IQCM: variants seen among roughly 807,000 people sequenced by gnomAD.
IQCM encodes IQ domain-containing protein M.
In IQCM, 45 loss-of-function variants were observed where a neutral mutation model predicts 57.6. The ratio of observed to expected loss-of-function variants is 0.78; its 90% CI spans 0.62 to 1.00. The LOEUF (loss-of-function observed/expected upper bound fraction) is 1.00, where lower values mean the gene tolerates loss of function less well. IQCM is among the 50% of genes least tolerant of loss of function. The pLI is 0.00. For missense variants in IQCM, 468 were observed against 511.6 expected (o/e 0.91, Z 0.82); for synonymous variants, 148 against 158.9 (o/e 0.93, Z 0.51).
chr4:149,429,660 G>A (rs954101723), intron 13 of IQCM, among the ~76,000 whole-genome samples: 10 of 151,872 alleles, frequency 6.6e-5, no homozygotes, highest in Non-Finnish European at 1.2e-4. Context: ...TACCTACATT[G>A]TAGAGTATTA....
At chr4:149,625,156 G>A (rs1383207399) in intron 7 of IQCM, among the ~76,000 whole-genome samples, 1 of 152,146 alleles carries the variant, frequency 6.6e-6, no homozygotes, top group Non-Finnish European at 1.5e-5. Context: ...GCTTGCTTGG[G>A]TGGCTGAATT....
chr4:149,715,223 C>T (rs986224718), intron 5 of IQCM, among the ~76,000 whole-genome samples: 3 of 152,124 alleles, frequency 2.0e-5, no homozygotes, highest in African/African-American at 7.2e-5. Flanking sequence ...ATTACTGGCC[C>T]AGATCCCATG....
intron 10 of IQCM, among the ~76,000 whole-genome samples, chr4:149,556,477 T>C (rs1430165770): frequency 1.3e-5 from 2 of 152,180 alleles, no homozygotes; most frequent in African/African-American, 2.4e-5. Context: ...AGTTTGACTT[T>C]TAAATTTGAA....
At chr4:149,698,590 G>A (rs896275097) in intron 5 of IQCM, among the ~76,000 whole-genome samples, 3 of 152,036 alleles carry the variant, frequency 2.0e-5, no homozygotes, top group African/African-American at 4.8e-5. Flanking sequence ...CTACAAAAAC[G>A]TAACTATTTT....
chr4:149,531,758 G>A (rs1305813557), intron 12 of IQCM, among the ~76,000 whole-genome samples: 1 of 151,962 alleles, frequency 6.6e-6, no homozygotes, highest in Non-Finnish European at 1.5e-5. Flanking sequence ...GCCCCTCAGA[G>A]GAGACTGCAT....
chr4:149,802,234 G>GA lies in IQCM; in HGVS notation c.-49+13076dup, dbSNP rs537499045. Among the ~76,000 whole-genome samples the GA allele has an allele frequency of 6.6e-3, 922 of 140,512 alleles. 7 individuals are homozygous for GA. The highest frequency in any genetic ancestry group is 0.019 in the African/African-American group (732 of 38,604). The allele number at this position is 140,512 out of a possible 152,430, so 92.2% of individuals were successfully genotyped here. On this transcript the variant is annotated intron_variant, in intron 2 of 13. Coordinates refer to ENST00000636793, the MANE Select transcript of IQCM (RefSeq NM_001363507.2). Reference sequence around the variant, plus strand: ...GTTCTGCAGTCAAATGTGAAAGAGGGAAAAAAAAAAAACTTTTCATCTGAC... The same window carrying GA: ...GTTCTGCAGTCAAATGTGAAAGAGGGAAAAAAAAAAAAACTTTTCATCTGAC...
chr4:149,569,883 T>C (rs1017934784), intron 9 of IQCM, among the ~76,000 whole-genome samples: 1 of 152,152 alleles, frequency 6.6e-6, no homozygotes, highest in African/African-American at 2.4e-5. Context: ...GATTGAATTA[T>C]GTTTCATATT....
rs558407528 is a variant in IQCM at position 149,719,442 on chromosome 4, A to T, written c.385+13802T>A. Among the ~76,000 whole-genome samples the T allele has an allele frequency of 1.7e-3, 264 of 152,268 alleles. 1 individual carries two copies. Among genetic ancestry groups the T allele is most frequent in the African/African-American group, 5.2e-3 (217 of 41,554 alleles). ...TAAATTATCTGAAACAAATATAAGA[A>T]ACTACCAAGTGATAAAGCTGGGATT... On this transcript the variant is annotated intron_variant, in intron 5 of 13. Coordinates refer to ENST00000636793, the MANE Select transcript of IQCM (RefSeq NM_001363507.2).
chr4:149,358,119 A>T (rs1387684607), intron 13 of IQCM, among the ~76,000 whole-genome samples: 1 of 151,884 alleles, frequency 6.6e-6, no homozygotes, highest in Non-Finnish European at 1.5e-5. Context: ...TATTGCATCT[A>T]TTTGATTCTT....
intron 12 of IQCM, among the ~76,000 whole-genome samples, chr4:149,470,665 T>G (rs549673415): frequency 6.6e-6 from 1 of 152,276 alleles, no homozygotes; most frequent in Admixed American, 6.5e-5. Context: ...ACCAACAGAA[T>G]ATACATTCTT....
rs563376292 is a variant in IQCM at position 149,728,326 on chromosome 4, A to G, written c.385+4918T>C. On this transcript the variant is annotated intron_variant, in intron 5 of 13. Transcript: ENST00000636793. ...CTTGCAGACACACAGTCCATGTCCA[A>G]TTTACTTGTGATGTACTCTCAATCT... Among the ~76,000 whole-genome samples, 4 of 152,258 alleles carry G rather than the reference A, an allele frequency of 2.6e-5. No individual in the cohort carries two copies. The East Asian group carries it at 7.7e-4, about 29-fold the overall frequency.
intron 2 of IQCM, among the ~76,000 whole-genome samples, chr4:149,763,137 C>T (rs1228726805): frequency 6.6e-6 from 1 of 151,682 alleles, no homozygotes; most frequent in Non-Finnish European, 1.5e-5. Flanking sequence ...TGTATTTGTA[C>T]GGAACTCATC....
intron 13 of IQCM, among the ~76,000 whole-genome samples, chr4:149,425,123 A>T (rs553852199): frequency 6.6e-6 from 1 of 152,174 alleles, no homozygotes; most frequent in East Asian, 1.9e-4. Flanking sequence ...TTATGAAGAT[A>T]ACATGAGAAA....
chr4:149,673,714 T>A (rs1050789693), intron 7 of IQCM, among the ~76,000 whole-genome samples: 1 of 152,028 alleles, frequency 6.6e-6, no homozygotes, highest in African/African-American at 2.4e-5. Context: ...GACAGATCAA[T>A]GAGACAGAAA....
chr4:149,397,575 G>T (rs1169685022), intron 13 of IQCM, among the ~76,000 whole-genome samples: 1 of 151,952 alleles, frequency 6.6e-6, no homozygotes, highest in Non-Finnish European at 1.5e-5. Context: ...TGCCATGATT[G>T]TAAGTTTCCT....
At chr4:149,711,767 T>C (rs1034580496) in intron 5 of IQCM, among the ~76,000 whole-genome samples, 1 of 152,168 alleles carries the variant, frequency 6.6e-6, no homozygotes, top group Non-Finnish European at 1.5e-5. Flanking sequence ...TACTTAGCAG[T>C]TGAGTATAGT....
intron 4 of IQCM, among the ~76,000 whole-genome samples, chr4:149,734,712 C>T (rs1766773844): frequency 6.6e-6 from 1 of 152,020 alleles, no homozygotes; most frequent in Admixed American, 6.6e-5. Context: ...CAATAGTTGC[C>T]CCTTCCCCAA....
At chr4:149,518,301 A>G (rs1745204564) in intron 12 of IQCM, among the ~76,000 whole-genome samples, 1 of 152,214 alleles carries the variant, frequency 6.6e-6, no homozygotes. Flanking sequence ...AAATAAGAGT[A>G]GGTCTCTGTT....
intron 8 of IQCM, among the ~76,000 whole-genome samples, chr4:149,604,454 G>A (rs1042816168): frequency 1.3e-5 from 2 of 152,006 alleles, no homozygotes; most frequent in African/African-American, 2.4e-5. Flanking sequence ...TCCATCTATT[G>A]TTTAATGAAT....
Sources: allele counts gnomAD v4.1 joint callset (sites outside exome capture counted in the v4.1 genomes callset), GRCh38; gene constraint gnomAD v4.1.1; transcripts MANE v1.5; gene names NCBI Gene and HGNC (gene_info 2026-07-23, HGNC 2026-07-21).